Variants in IFT88 observed in about 807,000 individuals in gnomAD.
IFT88 encodes the protein intraflagellar transport 88, also known as intraflagellar transport protein 88 homolog.
Under a neutral mutation model 119.5 loss-of-function variants are expected in IFT88, and 74 were observed. That is an observed-to-expected ratio of 0.62 (90% CI 0.51 to 0.75). The LOEUF (loss-of-function observed/expected upper bound fraction) is 0.75, where lower values mean the gene tolerates loss of function less well. Ranked by LOEUF, IFT88 falls within the 30% of genes least tolerant of loss-of-function variation. The pLI is 0.00. For missense variants in IFT88, 961 were observed against 977.7 expected, an observed-to-expected ratio of 0.98 and a Z score of 0.23; for synonymous variants, 279 against 316.7, an observed-to-expected ratio of 0.88 and a Z score of 1.26.
chr13:20,613,538 C>G (rs550389975), intron 13 of IFT88, among the ~76,000 whole-genome samples: 1 of 152,180 alleles, frequency 6.6e-6, no homozygotes, highest in African/African-American at 2.4e-5. Flanking sequence ...AAAGGTTAAG[C>G]ATAGACTTAC....
chr13:20,645,379 C>T lies in IFT88; in HGVS notation c.1949+421C>T, dbSNP rs369191982. ...TGCTGGGATTACAGGCATGAGCCAC[C>T]GCGCCCAGCCAAATTATTTTTATTT... is the stretch of plus-strand genomic sequence containing the variant. On this transcript the variant is annotated intron_variant, in intron 20 of 25. Transcript: ENST00000351808. Among the ~76,000 whole-genome samples, 116 of 152,280 alleles carry T rather than the reference C, an allele frequency of 7.6e-4. 2 individuals carry two copies. The South Asian group carries it at 0.021, about 27-fold the overall frequency.
At position 20,590,315 on chromosome 13, in the gene IFT88, T is replaced by G. The variant is rs148803241; in HGVS notation, c.210+448T>G. On this transcript the variant is annotated intron_variant, in intron 4 of 25. Coordinates refer to ENST00000351808, the MANE Select transcript of IFT88 (RefSeq NM_006531.5). Reference sequence around the variant, plus strand: ...CCTTTGGAGGAAAGATATATCAAACTCTATAAAAGTTATAAACTTTTTAAT... The same window carrying G: ...CCTTTGGAGGAAAGATATATCAAACGCTATAAAAGTTATAAACTTTTTAAT... 2.1e-3 allele frequency among the ~76,000 whole-genome samples: 326 copies of G among 152,246 alleles called. 1 individual carries two copies. The highest frequency in any genetic ancestry group is 7.0e-3 in the African/African-American group (293 of 41,564).
chr13:20,630,321 C>T (rs906434443), intron 15 of IFT88, among the ~76,000 whole-genome samples: 5 of 152,180 alleles, frequency 3.3e-5, no homozygotes, highest in Admixed American at 6.5e-5. Flanking sequence ...TTTGCTAGCT[C>T]TACAGTGCCT....
Position 20,598,726 on chromosome 13 carries a change from G to A in IFT88, c.670G>A (p.Val224Ile), listed in dbSNP as rs1405784549. ...AGCACTTAACACTTATCAAGTTATAGTCAAAAATAAGATGTTTAGCAATGC... is the reference window on the plus strand; with the variant it reads ...AGCACTTAACACTTATCAAGTTATAATCAAAAATAAGATGTTTAGCAATGC... The part of the protein sequence containing the change: ...AEALNTYQVI[V>I]KNKMFSNAGI... The change falls in exon 10 of 26, where the codon GTC becomes ATC. Residue 224 changes from valine (V) to isoleucine (I), a missense_variant. By Grantham distance (29) the Val-to-Ile change is conservative. Transcript: ENST00000351808. 1 of 1,607,738 alleles carries A rather than the reference G, an allele frequency of 6.2e-7. No individual in the cohort carries two copies. Among genetic ancestry groups the A allele is most frequent in the African/African-American group, 1.3e-5 (1 of 74,748 alleles).
At chr13:20,570,185 C>G (rs2036030739) in intron 1 of IFT88, among the ~76,000 whole-genome samples, 1 of 152,150 alleles carries the variant, frequency 6.6e-6, no homozygotes, top group South Asian at 2.1e-4. Context: ...CCATTTCATA[C>G]TCACTAGAAT....
chr13:20,578,490 T>C (rs999554454), intron 2 of IFT88, among the ~76,000 whole-genome samples: 2 of 151,972 alleles, frequency 1.3e-5, no homozygotes, highest in Non-Finnish European at 2.9e-5. Flanking sequence ...AGGTTTTCAA[T>C]TTATTGGTAT....
intron 23 of IFT88, among the ~76,000 whole-genome samples, chr13:20,664,868 A>G (rs939370107): frequency 1.3e-5 from 2 of 152,168 alleles, no homozygotes; most frequent in African/African-American, 4.8e-5. Context: ...TCACGAGGTC[A>G]GGAGATCGAG....
intron 22 of IFT88, chr13:20,663,171 T>C: frequency 9.5e-7 from 1 of 1,047,242 alleles, no homozygotes; most frequent in Admixed American, 3.3e-5. Flanking sequence ...GCTCTTTATA[T>C]GTATTTATGA....
chr13:20,626,209 C>T (rs1034409806), intron 15 of IFT88, among the ~76,000 whole-genome samples: 1 of 151,306 alleles, frequency 6.6e-6, no homozygotes, highest in Non-Finnish European at 1.5e-5. Context: ...TATAAGCACC[C>T]ACCACCATGC....
rs397851417 is a variant in IFT88, at chr13:20,665,078, C to CA, written c.2175+1487dup. 4.5e-3 allele frequency among the ~76,000 whole-genome samples: 567 copies of CA among 125,630 alleles called. 12 individuals carry two copies. The East Asian group carries it at 0.051, about 11-fold the overall frequency. 82.4% of individuals were successfully genotyped at this position (125,630 alleles called of 152,430 possible). ...TGGGCAACAGAGCGACACTCCGTCT[C>CA]AAAAAAAAAAAAAGACAAAAATGCA... On this transcript the variant is annotated intron_variant, in intron 23 of 25. Transcript: ENST00000351808.
intron 17 of IFT88, 97 bp downstream of exon 17, chr13:20,638,615 G>A (rs2049387943): frequency 4.2e-6 from 3 of 722,596 alleles, no homozygotes. Flanking sequence ...ACATTAGGAG[G>A]AGGAGTTGAC....
At chr13:20,607,309 C>T (rs1054178091) in intron 13 of IFT88, 11 of 462,174 alleles carry the variant, frequency 2.4e-5, no homozygotes, top group Non-Finnish European at 3.5e-5. Flanking sequence ...TCGGCAAGTA[C>T]TTCGCATCCC....
At chr13:20,665,003 T>C (rs919220671) in intron 23 of IFT88, among the ~76,000 whole-genome samples, 3 of 150,670 alleles carry the variant, frequency 2.0e-5, no homozygotes, top group African/African-American at 4.9e-5. Flanking sequence ...GGCATGAACC[T>C]GGGAGGCGGA....
intron 6 of IFT88, 137 bp downstream of exon 6, chr13:20,591,818 C>A: frequency 1.7e-6 from 1 of 591,960 alleles, no homozygotes; most frequent in South Asian, 2.2e-5. Context: ...ATTTTAGGTA[C>A]CATTAAGAAA....
At chr13:20,618,704 G>T (rs2046028027) in intron 14 of IFT88, among the ~76,000 whole-genome samples, 2 of 152,226 alleles carry the variant, frequency 1.3e-5, no homozygotes, top group South Asian at 4.1e-4. Context: ...TAGTTGTCAT[G>T]TGTAATGGAA....
At chr13:20,671,900 T>G (rs2141000836) in intron 24 of IFT88, among the ~76,000 whole-genome samples, 1 of 152,316 alleles carries the variant, frequency 6.6e-6, no homozygotes, top group East Asian at 1.9e-4. Flanking sequence ...AAGACAAATG[T>G]AGCTCTTAGT....
At chr13:20,589,545 A>G (rs941991011) in intron 3 of IFT88, among the ~76,000 whole-genome samples, 1 of 152,210 alleles carries the variant, frequency 6.6e-6, no homozygotes, top group African/African-American at 2.4e-5. Context: ...TGATGGTTGC[A>G]AGCATGAAAA....
intron 24 of IFT88, among the ~76,000 whole-genome samples, chr13:20,688,543 G>A (rs1483150668): frequency 6.6e-6 from 1 of 152,202 alleles, no homozygotes; most frequent in African/African-American, 2.4e-5. Context: ...ACTTCAGTTG[G>A]TGAGGCTACA....
intron 20 of IFT88, among the ~76,000 whole-genome samples, chr13:20,650,010 C>T (rs1471295969): frequency 6.6e-6 from 1 of 152,046 alleles, no homozygotes; most frequent in Non-Finnish European, 1.5e-5. Flanking sequence ...AAAGAAAAGC[C>T]ATGGGCTACA....
Sources: gnomAD v4.1 joint callset for allele counts (sites outside exome capture counted in the v4.1 genomes callset) on GRCh38, gnomAD v4.1.1 for gene constraint, MANE v1.5 for transcripts, NCBI Gene and HGNC (gene_info 2026-07-23, HGNC 2026-07-21) for gene names.